The following CLTRN variants were observed in gnomAD, a reference collection of about 807,000 sequenced individuals.
CLTRN encodes the protein collectrin.
CLTRN carries 12 observed loss-of-function variants against 14.5 expected under a neutral mutation model. The ratio of observed to expected loss-of-function variants is 0.83; its 90% CI spans 0.53 to 1.34. CLTRN has a LOEUF of 1.34. CLTRN is among the 40% of genes most tolerant of loss of function. The pLI is 0.00. For missense variants in CLTRN, 154 were observed against 165.1 expected, an observed-to-expected ratio of 0.93 and a Z score of 0.37; for synonymous variants, 58 against 56.5, an observed-to-expected ratio of 1.03 and a Z score of -0.12.
chrX:15,648,229 A>C (rs918752501), intron 3 of CLTRN, among the ~76,000 whole-genome samples: 3 of 112,015 alleles, frequency 2.7e-5, no homozygotes, highest in African/African-American at 9.8e-5. Flanking sequence ...GACTAAAGTA[A>C]ATATAGTATA....
At chrX:15,647,028 CG>C (rs1929098415) in intron 3 of CLTRN, among the ~76,000 whole-genome samples, 1 of 112,665 alleles carries the variant, frequency 8.9e-6, no homozygotes, top group Non-Finnish European at 1.9e-5. Context: ...GCCAGGCGCC[CG>C]GTCGCCGCAG....
chrX:15,648,647 C>T (rs796970839), intron 3 of CLTRN, among the ~76,000 whole-genome samples: 2 of 110,479 alleles, frequency 1.8e-5, no homozygotes, highest in South Asian at 3.8e-4. Context: ...CCCATCTCTA[C>T]GAAAAATACA....
chrX:15,672,804 A>T (rs918753462), intron 1 of CLTRN, among the ~76,000 whole-genome samples: 1 of 112,094 alleles, frequency 8.9e-6, no homozygotes, highest in African/African-American at 3.3e-5. Flanking sequence ...TATCTATTTC[A>T]GAACTTTTTC....
chrX:15,661,254 C>T (rs1274644706), intron 2 of CLTRN, among the ~76,000 whole-genome samples: 2 of 112,004 alleles, frequency 1.8e-5, no homozygotes, highest in Non-Finnish European at 3.8e-5. Context: ...AAGATGTTAG[C>T]CAGCTCTCCC....
intron 4 of CLTRN, among the ~76,000 whole-genome samples, chrX:15,641,849 G>A (rs1327807632): frequency 9.0e-6 from 1 of 111,189 alleles, no homozygotes; most frequent in Non-Finnish European, 1.9e-5. Context: ...GACAGTCCAA[G>A]TCTACAGCCT....
chrX:15,628,142 A>G lies in CLTRN; in HGVS notation c.513-15T>C, dbSNP rs750842502. The G allele has an allele frequency of 8.7e-6, 9 of 1,039,502 alleles. No individual in the cohort carries two copies. The African/African-American group carries it at 1.5e-4, about 18-fold the overall frequency. The allele number at this position is 1,039,502 out of a possible 1,213,427, so 85.7% of individuals were successfully genotyped here. On this transcript the variant is annotated splice_polypyrimidine_tract_variant and intron_variant, in intron 5 of 5. Transcript: ENST00000380342. ...CTTTGTTCTTTCTAAAAGCACATAA[A>G]AAAGAGTGATTGGCATCTAGAAGGA... is the stretch of plus-strand genomic sequence containing the variant.
Position 15,674,444 on chromosome X carries a change from G to A in CLTRN, c.-506+545C>T, listed in dbSNP as rs762990717. ...CATTTAAAGTCCGCTGACTTTAAAT[G>A]GGCTGGAAGGAACACGGTTCCAGTT... On this transcript the variant is annotated intron_variant, in intron 1 of 6. Coordinates refer to the CLTRN transcript ENST00000650271. Among the ~76,000 whole-genome samples the A allele has an allele frequency of 9.8e-5, 11 of 111,855 alleles. No homozygotes were observed. In the South Asian group the frequency reaches 3.7e-3, roughly 38 times the overall value.
chrX:15,639,785 C>CA (rs1276028431), intron 4 of CLTRN, 29 bp from the exon 5 acceptor site: 1 of 1,116,005 alleles, frequency 9.0e-7, no homozygotes, highest in Non-Finnish European at 1.2e-6. Flanking sequence ...TAAAAATAAA[C>CA]AAAATAAGAC....
In CLTRN at chrX:15,641,698, G is replaced by T. The variant is rs145909790; in HGVS notation, c.318-1942C>A. Among the ~76,000 whole-genome samples, 139 of 107,207 alleles carry T rather than the reference G, an allele frequency of 1.3e-3. 3 individuals are homozygous for T. In the East Asian group the frequency reaches 0.037, roughly 29 times the overall value. The allele number at this position is 107,207 out of a possible 115,157, so 93.1% of individuals were successfully genotyped here. On this transcript the variant is annotated intron_variant, in intron 4 of 5. Coordinates refer to ENST00000380342, the MANE Select transcript of CLTRN (RefSeq NM_020665.6). The stretch of plus-strand genomic sequence containing the variant: ...TGTGTAAACAGGGTCTTGCTATATT[G>T]CCCAGGCTGGGGCTCCACATTTTAT...
chrX:15,643,226 T>G (rs190073646), intron 4 of CLTRN, among the ~76,000 whole-genome samples: 5 of 112,517 alleles, frequency 4.4e-5, no homozygotes, highest in Admixed American at 1.9e-4. Flanking sequence ...GCCCAATCAC[T>G]TAGATTCTTC....
chrX:15,654,646 T>G (rs762328442), intron 3 of CLTRN, among the ~76,000 whole-genome samples: 1 of 112,301 alleles, frequency 8.9e-6, no homozygotes, highest in Non-Finnish European at 1.9e-5. Flanking sequence ...AATACAGCAA[T>G]AGCAAAAAAA....
chrX:15,650,719 G>A (rs1441156206), intron 3 of CLTRN, among the ~76,000 whole-genome samples: 1 of 111,881 alleles, frequency 8.9e-6, no homozygotes, highest in Non-Finnish European at 1.9e-5. Context: ...CAAACAAAAA[G>A]GTAACCTAAT....
rs1928893031 is a variant in CLTRN at position 15,639,650 on chromosome X, T to A, written c.424A>T (p.Ile142Phe). Residue 142 changes from isoleucine to phenylalanine, a missense_variant, in exon 5 of 6, where the codon ATC becomes TTC. By Grantham distance (21) the Ile-to-Phe change is conservative. Transcript: ENST00000380342. ...LAPPMDPSVPIWIIIFGVIFC... is the reference protein window; with the variant it reads ...LAPPMDPSVPFWIIIFGVIFC... ...ATCACACCAAATATAATAATCCAGA[T>A]GGGCACAGATGGGTCCATGGGTGGT... is the stretch of plus-strand genomic sequence containing the variant. The A allele has an allele frequency of 8.3e-7, 1 of 1,208,553 alleles. No individual in the cohort carries two copies. The highest frequency in any genetic ancestry group is 1.7e-5 in the African/African-American group (1 of 57,761).
intron 1 of CLTRN, among the ~76,000 whole-genome samples, chrX:15,672,074 T>C (rs1929730172): frequency 8.9e-6 from 1 of 112,359 alleles, no homozygotes; most frequent in Non-Finnish European, 1.9e-5. Context: ...GTTAACATTT[T>C]TCTACTTCAG....
upstream of CLTRN, among the ~76,000 whole-genome samples, chrX:15,667,203 C>A (rs1363362819): frequency 9.1e-6 from 1 of 109,978 alleles, no homozygotes; most frequent in Non-Finnish European, 1.9e-5. Flanking sequence ...TGCCACTGCA[C>A]TCCAGCCGGG....
chrX:15,660,392 T>C (rs1929477908), intron 2 of CLTRN, among the ~76,000 whole-genome samples: 1 of 110,989 alleles, frequency 9.0e-6, no homozygotes, highest in South Asian at 3.8e-4. Context: ...TGGCCTTAAG[T>C]GATCCTCCTG....
rs1928590954 is a variant in CLTRN at position 15,627,505 on chromosome X, T to C, written c.*466A>G. The C allele has an allele frequency of 8.9e-6, 1 of 112,454 alleles. No homozygotes were observed. The highest frequency in any genetic ancestry group is 9.4e-5 in the Admixed American group (1 of 10,589). 9.3% of individuals were successfully genotyped at this position (112,454 alleles called of 1,213,427 possible). On this transcript the variant is annotated 3_prime_UTR_variant, in exon 6 of 6. Transcript: ENST00000380342. ...ATATGAGTAATTCCATTTTTATCCA[T>C]CCATTTACAATAATTACTTCTCACT...
At chrX:15,664,874 G>C (rs1402225681), upstream of CLTRN, 1 of 736,036 alleles carries the variant, frequency 1.4e-6, no homozygotes. Flanking sequence ...TAGAATATCA[G>C]AGAAACAAGC....
chrX:15,637,974 T>C (rs1456945046), intron 5 of CLTRN, among the ~76,000 whole-genome samples: 1 of 111,996 alleles, frequency 8.9e-6, no homozygotes, highest in Non-Finnish European at 1.9e-5. Flanking sequence ...GGGCAGAATC[T>C]AAGAGATAAA....
Sources: allele counts gnomAD v4.1 joint callset (sites outside exome capture counted in the v4.1 genomes callset), GRCh38; gene constraint gnomAD v4.1.1; transcripts MANE v1.5; gene names NCBI Gene and HGNC (gene_info 2026-07-23, HGNC 2026-07-21).